RGS8: variants seen among roughly 807,000 people sequenced by gnomAD.
The protein encoded by RGS8 is regulator of G-protein signaling 8.
Under a neutral mutation model 21.7 loss-of-function variants are expected in RGS8, and 8 were observed. That is an observed-to-expected ratio of 0.37 (90% confidence interval 0.22 to 0.66). The LOEUF is 0.66. RGS8 is among the 30% of genes least tolerant of loss of function. The pLI is 0.59. For synonymous variants in RGS8, 80 were observed against 83.6 expected, an observed-to-expected ratio of 0.96 and a Z score of 0.24; for missense variants, 157 against 217.9, an observed-to-expected ratio of 0.72 and a Z score of 1.76.
At chr1:182,666,286 C>G (rs558830855) in intron 4 of RGS8, among the ~76,000 whole-genome samples, 1 of 152,056 alleles carries the variant, frequency 6.6e-6, no homozygotes, top group East Asian at 1.9e-4. Context: ...AAGAACAAAG[C>G]TAAGTAAGTA....
At chr1:182,691,626 A>C in the RGS8 span, among the ~76,000 whole-genome samples, 1 of 150,796 alleles carries the variant, frequency 6.6e-6, no homozygotes, top group East Asian at 1.9e-4. Flanking sequence ...AAAAAAAAAA[A>C]AAAAAAAAAC....
chr1:182,741,354 G>T, the RGS8 span, among the ~76,000 whole-genome samples: 2 of 130,454 alleles, frequency 1.5e-5, no homozygotes, highest in Non-Finnish European at 3.3e-5. Flanking sequence ...TGGCCGGGCG[G>T]GGGGGCTGAA....
the RGS8 span, among the ~76,000 whole-genome samples, chr1:182,692,545 T>C: frequency 6.6e-6 from 1 of 151,974 alleles, no homozygotes; most frequent in Non-Finnish European, 1.5e-5. Flanking sequence ...ATAACCATAC[T>C]GATGAAAGCT....
At chr1:182,676,459 A>G (rs529092998), upstream of RGS8, among the ~76,000 whole-genome samples, 1 of 152,344 alleles carries the variant, frequency 6.6e-6, no homozygotes, top group South Asian at 2.1e-4. Flanking sequence ...AGAAACATGA[A>G]TCAACATATG....
At chr1:182,710,422 C>T in the RGS8 span, among the ~76,000 whole-genome samples, 1 of 152,140 alleles carries the variant, frequency 6.6e-6, no homozygotes, top group Non-Finnish European at 1.5e-5. Context: ...GAGCATAACC[C>T]CCTATGGCTC....
chr1:182,731,645 A>T, the RGS8 span, among the ~76,000 whole-genome samples: 2 of 152,234 alleles, frequency 1.3e-5, no homozygotes, highest in African/African-American at 2.4e-5. Flanking sequence ...CAGAAACTGC[A>T]TCCCAATTCT....
chr1:182,649,932 G>C (rs1440903245), intron 5 of RGS8, among the ~76,000 whole-genome samples: 1 of 149,982 alleles, frequency 6.7e-6, no homozygotes, highest in Non-Finnish European at 1.5e-5. Context: ...TGGGTGGGGG[G>C]CATGGAGTCT....
At chr1:182,719,713 G>A in the RGS8 span, among the ~76,000 whole-genome samples, 12 of 150,384 alleles carry the variant, frequency 8.0e-5, no homozygotes, top group African/African-American at 2.9e-4. Flanking sequence ...ATAGGCATGA[G>A]CCACCACACC....
the RGS8 span, among the ~76,000 whole-genome samples, chr1:182,694,610 C>A: frequency 6.6e-6 from 1 of 152,074 alleles, no homozygotes; most frequent in Non-Finnish European, 1.5e-5. Flanking sequence ...AGCTCGTGAC[C>A]AGCCTGGCCA....
At chr1:182,725,181 C>T in the RGS8 span, among the ~76,000 whole-genome samples, 2 of 152,090 alleles carry the variant, frequency 1.3e-5, no homozygotes, top group Non-Finnish European at 2.9e-5. Flanking sequence ...AGTTTGATTA[C>T]CACATGCCAT....
the RGS8 span, among the ~76,000 whole-genome samples, chr1:182,732,578 G>C: frequency 6.6e-6 from 1 of 152,204 alleles, no homozygotes; most frequent in Non-Finnish European, 1.5e-5. Context: ...TGTCTCAGGA[G>C]AGGATATGGC....
At chr1:182,740,566 T>C in the RGS8 span, among the ~76,000 whole-genome samples, 3 of 143,256 alleles carry the variant, frequency 2.1e-5, no homozygotes, top group Non-Finnish European at 3.0e-5. Context: ...TTTTTTTTTT[T>C]TTTTTTTATT....
intron 1 of RGS8, among the ~76,000 whole-genome samples, chr1:182,679,776 T>G (rs1224226757): frequency 1.3e-5 from 2 of 151,970 alleles, no homozygotes; most frequent in African/African-American, 4.8e-5. Flanking sequence ...TTCCCATCTT[T>G]TCTTGGCCCA....
chr1:182,645,299 A>G (rs940523053), downstream of RGS8: 1 of 152,216 alleles, frequency 6.6e-6, no homozygotes, highest in Non-Finnish European at 1.5e-5. Context: ...GAATTATTCC[A>G]ATAGTAACTC....
chr1:182,670,866 T>C (rs951359496), intron 2 of RGS8, among the ~76,000 whole-genome samples: 7 of 152,206 alleles, frequency 4.6e-5, no homozygotes, highest in African/African-American at 1.7e-4. Context: ...TAACCAGGCT[T>C]ACACTTGCTT....
the RGS8 span, among the ~76,000 whole-genome samples, chr1:182,720,086 T>C: frequency 6.6e-6 from 1 of 152,344 alleles, no homozygotes; most frequent in South Asian, 2.1e-4. Context: ...TGAAAACTTA[T>C]CTTAAATATT....
the RGS8 span, among the ~76,000 whole-genome samples, chr1:182,741,528 G>A: frequency 7.5e-6 from 1 of 133,588 alleles, no homozygotes; most frequent in African/African-American, 2.8e-5. Flanking sequence ...CCCGGACGGG[G>A]CGGCTGGCCG....
rs1662937402 is a variant in RGS8, at chr1:182,650,168, C to T, written c.194-1865G>A. On this transcript the variant is annotated intron_variant, in intron 5 of 6. Transcript: ENST00000483095. ...CTTGTGATCCACCCGCCTCGGCCTC[C>T]CAAAGTGCTGGGATTACAGGCGTGA... 3.3e-5 allele frequency among the ~76,000 whole-genome samples: 5 copies of T among 150,306 alleles called. No individual in the cohort carries two copies. In the South Asian group the frequency reaches 1.0e-3, roughly 31 times the overall value.
the RGS8 span, among the ~76,000 whole-genome samples, chr1:182,700,348 C>T: frequency 2.0e-5 from 3 of 152,160 alleles, no homozygotes; most frequent in Non-Finnish European, 4.4e-5. Flanking sequence ...CAAAACATTC[C>T]CCGCGACACA....
Sources: gnomAD v4.1 joint callset for allele counts (sites outside exome capture counted in the v4.1 genomes callset) on GRCh38, gnomAD v4.1.1 for gene constraint, MANE v1.5 for transcripts, NCBI Gene and HGNC (gene_info 2026-07-23, HGNC 2026-07-21) for gene names.